The following FERMT2 variants were observed in gnomAD, a reference collection of about 807,000 sequenced individuals.
The protein encoded by FERMT2 is FERM domain containing kindlin 2, also known as fermitin family homolog 2.
In FERMT2, 15 loss-of-function variants were observed where a neutral mutation model predicts 82.7. The ratio of observed to expected loss-of-function variants is 0.18; its 90% CI spans 0.12 to 0.28. The LOEUF is 0.28. Among genes scored for constraint, FERMT2 ranks in the 10% least tolerant of loss-of-function variants. FERMT2 has a pLI of 1.00. For missense variants in FERMT2, 645 were observed against 809.4 expected (o/e 0.80, Z 2.46); for synonymous variants, 274 against 271.5 (o/e 1.01, Z -0.09).
intron 4 of FERMT2, among the ~76,000 whole-genome samples, chr14:52,889,993 G>C (rs1886843423): frequency 6.6e-6 from 1 of 151,792 alleles, no homozygotes. Flanking sequence ...GCCAAGTATG[G>C]TGGTGTGCGC....
rs1199304424 is a variant in FERMT2, at chr14:52,864,256, G to A, written c.1602+145C>T. 9.8e-6 allele frequency: 6 copies of A among 614,168 alleles called. No homozygotes were observed. The South Asian group carries it at 1.0e-4, about 11-fold the overall frequency. The allele number at this position is 614,168 out of a possible 1,614,324, so 38.0% of individuals were successfully genotyped here. On this transcript the variant is annotated intron_variant, in intron 12 of 14. Coordinates refer to ENST00000341590, the MANE Select transcript of FERMT2 (RefSeq NM_006832.3). Reference sequence around the variant, plus strand: ...TGGAGGATTTCAGAGGTTCAGATTAGGGATACTCTAACTGTATTTTATATT... The same window carrying A: ...TGGAGGATTTCAGAGGTTCAGATTAAGGATACTCTAACTGTATTTTATATT...
At chr14:52,949,030 A>G (rs1890489729) in intron 2 of FERMT2, among the ~76,000 whole-genome samples, 1 of 152,236 alleles carries the variant, frequency 6.6e-6, no homozygotes, top group Non-Finnish European at 1.5e-5. Context: ...ATCAGATAAA[A>G]ATACTGTTAA....
chr14:52,927,625 C>G (rs549674633), intron 2 of FERMT2, among the ~76,000 whole-genome samples: 1 of 67,276 alleles, frequency 1.5e-5, no homozygotes, highest in East Asian at 4.6e-4. Flanking sequence ...AAAAAAAAAT[C>G]CAGGCATGGT....
chr14:52,886,842 A>G (rs1189748058), intron 4 of FERMT2, among the ~76,000 whole-genome samples: 2 of 152,170 alleles, frequency 1.3e-5, no homozygotes, highest in African/African-American at 4.8e-5. Flanking sequence ...TAGCCAGGGA[A>G]TAAGTTTAAA....
At chr14:52,939,235 T>C (rs1409919372) in intron 2 of FERMT2, among the ~76,000 whole-genome samples, 1 of 143,056 alleles carries the variant, frequency 7.0e-6, no homozygotes, top group African/African-American at 2.6e-5. Context: ...TAGCAGGGCA[T>C]GGTGGTGCGT....
intron 4 of FERMT2, 108 bp downstream of exon 4, chr14:52,893,185 C>T: frequency 9.4e-7 from 1 of 1,064,958 alleles, no homozygotes; most frequent in Non-Finnish European, 1.3e-6. Context: ...GTTTTTTTAA[C>T]TTGACCACTC....
chr14:52,892,160 TTTTTTG>T (rs1350545070), intron 4 of FERMT2, among the ~76,000 whole-genome samples: 1,283 of 60,846 alleles, frequency 0.021, 9 homozygotes, highest in Middle Eastern at 0.037. Context: ...GAGAAGGCTG[TTTTTTG>T]TTTTTTTTTT....
At chr14:52,935,390 A>G (rs968621359) in intron 2 of FERMT2, among the ~76,000 whole-genome samples, 1 of 152,068 alleles carries the variant, frequency 6.6e-6, no homozygotes, top group East Asian at 1.9e-4. Context: ...TGTCCCCCCA[A>G]ATTCATATGT....
chr14:52,913,764 G>A (rs7152918), intron 3 of FERMT2, among the ~76,000 whole-genome samples: 21,935 of 151,874 alleles, frequency 0.14, 1,758 homozygotes, highest in African/African-American at 0.22. Flanking sequence ...GTGGAGCAGT[G>A]TTAGCGTAAC....
chr14:52,871,255 GTATTT>G (rs1885605365), intron 10 of FERMT2, among the ~76,000 whole-genome samples: 2 of 152,094 alleles, frequency 1.3e-5, no homozygotes, highest in South Asian at 4.1e-4. Context: ...TCTAGAAAGT[GTATTT>G]TAGTTTTTTA....
At chr14:52,871,801 G>C (rs1885639005) in intron 10 of FERMT2, 1 of 152,358 alleles carries the variant, frequency 6.6e-6, no homozygotes, top group Non-Finnish European at 1.5e-5. Context: ...GAAAGGAAAT[G>C]AGCAACCCAA....
chr14:52,901,280 C>CAAAAAAAA (rs10638877), intron 3 of FERMT2, among the ~76,000 whole-genome samples: 4 of 57,254 alleles, frequency 7.0e-5, no homozygotes, highest in African/African-American at 2.3e-4. Context: ...GACTCTGTCT[C>CAAAAAAAA]AAAAAAAAAA....
chr14:52,909,306 A>G (rs1215803744), intron 3 of FERMT2, among the ~76,000 whole-genome samples: 1 of 152,142 alleles, frequency 6.6e-6, no homozygotes, highest in Non-Finnish European at 1.5e-5. Flanking sequence ...GTATGCCTGG[A>G]GCTCTAGGAA....
chr14:52,864,069 A>G (rs1043516855), intron 12 of FERMT2, among the ~76,000 whole-genome samples: 1 of 152,174 alleles, frequency 6.6e-6, no homozygotes, highest in African/African-American at 2.4e-5. Context: ...TTGAGTATCC[A>G]TTATCCAAAA....
chr14:52,857,545 A>ATATC lies in FERMT2; in HGVS notation c.*828_*831dup, dbSNP rs1884645789. Reference sequence around the variant, plus strand: ...TAGATATTAAAACTGCACGTTAATTATATCTCTTAAAGGCATTTAATTAAC... The same window carrying ATATC: ...TAGATATTAAAACTGCACGTTAATTATATCTATCTCTTAAAGGCATTTAATTAAC... On this transcript the variant is annotated 3_prime_UTR_variant, in exon 15 of 15. Transcript: ENST00000341590. 2 of 152,778 alleles carry ATATC rather than the reference A, an allele frequency of 1.3e-5. No individual in the cohort carries two copies. The highest frequency in any genetic ancestry group is 2.4e-5 in the African/African-American group (1 of 41,582). The allele number at this position is 152,778 out of a possible 1,614,324, so 9.5% of individuals were successfully genotyped here.
chr14:52,919,454 A>ATAGT (rs1888817121), intron 2 of FERMT2, 98 bp from the exon 3 acceptor site: 2 of 709,988 alleles, frequency 2.8e-6, no homozygotes, highest in African/African-American at 1.8e-5. Context: ...TTTAACAGCA[A>ATAGT]TAATTAACTA....
At chr14:52,906,326 A>G (rs1888010439) in intron 3 of FERMT2, among the ~76,000 whole-genome samples, 2 of 152,202 alleles carry the variant, frequency 1.3e-5, no homozygotes, top group Admixed American at 6.5e-5. Context: ...ACAGAAAGAC[A>G]GAGTACTGAG....
At chr14:52,940,145 G>A (rs1890025719) in intron 2 of FERMT2, among the ~76,000 whole-genome samples, 1 of 152,136 alleles carries the variant, frequency 6.6e-6, no homozygotes, top group South Asian at 2.1e-4. Flanking sequence ...CTCTGGGCTG[G>A]AGGTTATCAG....
chr14:52,892,098 C>A (rs1886962626), intron 4 of FERMT2, among the ~76,000 whole-genome samples: 4 of 151,274 alleles, frequency 2.6e-5, no homozygotes. Context: ...AGGAGCAAAA[C>A]CTTTAAGGAA....
Sources: gnomAD v4.1 joint callset for allele counts (sites outside exome capture counted in the v4.1 genomes callset) on GRCh38, gnomAD v4.1.1 for gene constraint, MANE v1.5 for transcripts, NCBI Gene and HGNC (gene_info 2026-07-23, HGNC 2026-07-21) for gene names.